Variants in CCDC191 observed in about 807,000 individuals in gnomAD.
CCDC191 encodes the protein coiled-coil domain containing 191, also known as coiled-coil domain-containing protein 191.
Under a neutral mutation model 114.0 loss-of-function variants are expected in CCDC191, and 99 were observed. The observed-to-expected ratio is 0.87, with a 90% CI of 0.74 to 1.03. The LOEUF (loss-of-function observed/expected upper bound fraction) is 1.03. Among genes scored for constraint, CCDC191 ranks in the 50% least tolerant of loss-of-function variants. The pLI is 0.00. For missense variants in CCDC191, 973 were observed against 1,087.0 expected, an observed-to-expected ratio of 0.90 and a Z score of 1.47; for synonymous variants, 351 against 376.0, an observed-to-expected ratio of 0.93 and a Z score of 0.77.
At position 114,005,763 on chromosome 3, in the gene CCDC191, C is replaced by T. The variant is rs1364210351; in HGVS notation, c.1613G>A (p.Arg538Lys). The part of the protein sequence containing the change: ...SQQPGSNETL[R>K]TTSQKAEPLC... The stretch of plus-strand genomic sequence containing the variant: ...CGGTTCTGCTTTCTGGCTGGTAGTT[C>T]TGAGTGTCTCGTTGCTGCCAGGCTG... Residue 538 changes from arginine (R) to lysine (K), a missense_variant, in exon 10 of 17, where the codon AGA (arginine) becomes AAA (lysine). Arg to Lys is a conservative substitution (Grantham distance 26). Transcript: ENST00000295878. 1 of 1,614,130 alleles carries T rather than the reference C, an allele frequency of 6.2e-7. No individual in the cohort carries two copies.
chr3:114,033,042 G>A (rs1212217585), intron 6 of CCDC191, among the ~76,000 whole-genome samples: 1 of 150,976 alleles, frequency 6.6e-6, no homozygotes, highest in African/African-American at 2.4e-5. Context: ...AGAAATATAT[G>A]CTCATTGTGA....
chr3:113,991,637 T>C (rs535163205), intron 13 of CCDC191, among the ~76,000 whole-genome samples: 5 of 152,346 alleles, frequency 3.3e-5, no homozygotes, highest in African/African-American at 1.2e-4. Context: ...TCATCATGCC[T>C]ATTCCATCTC....
chr3:113,968,627 T>G (rs938768143), intron 16 of CCDC191, among the ~76,000 whole-genome samples: 13 of 111,742 alleles, frequency 1.2e-4, no homozygotes, highest in Non-Finnish European at 2.1e-4. Flanking sequence ...TAGTTTTTTG[T>G]TTTTTTTTTT....
chr3:113,979,219 C>T (rs1245892448), intron 14 of CCDC191, among the ~76,000 whole-genome samples: 1 of 152,150 alleles, frequency 6.6e-6, no homozygotes, highest in Non-Finnish European at 1.5e-5. Context: ...CCTTTCAATG[C>T]CAGCTCCCTG....
chr3:114,004,628 C>T lies in CCDC191; in HGVS notation c.1978+9G>A, dbSNP rs758482747. On this transcript the variant is annotated intron_variant, in intron 11 of 16. Transcript: ENST00000295878. ...ACAACCACCAAGGCCACCACCGAGA[C>T]AGCCCTGCCTTTTAGTATGGGATGC... 6.2e-7 allele frequency: 1 copy of T among 1,611,248 alleles called. No homozygotes were observed. The highest frequency in any genetic ancestry group is 8.5e-7 in the Non-Finnish European group (1 of 1,178,386).
chr3:114,015,129 C>T (rs1366112935), intron 8 of CCDC191, among the ~76,000 whole-genome samples: 1 of 152,004 alleles, frequency 6.6e-6, no homozygotes, highest in East Asian at 1.9e-4. Context: ...ACTTTGGGCA[C>T]TGTTTCCAGA....
At chr3:114,056,589 C>G (rs1157893139), upstream of CCDC191, 14 of 1,589,578 alleles carry the variant, frequency 8.8e-6, no homozygotes, top group Non-Finnish European at 1.0e-5. Flanking sequence ...CATAGGACAC[C>G]GTCGAACCAC....
intron 5 of CCDC191, 37 bp downstream of exon 5, chr3:114,036,569 CTT>C: frequency 6.9e-7 from 1 of 1,448,418 alleles, no homozygotes; most frequent in Non-Finnish European, 9.4e-7. Flanking sequence ...ACAAAGACTG[CTT>C]CCTGTTATCC....
chr3:114,040,733 T>C (rs2076548761), intron 4 of CCDC191, among the ~76,000 whole-genome samples: 1 of 152,150 alleles, frequency 6.6e-6, no homozygotes, highest in Non-Finnish European at 1.5e-5. Context: ...ATTCTGCCAA[T>C]CTCTGCATTT....
chr3:113,978,478 A>G, intron 15 of CCDC191, 147 bp from the exon 16 acceptor site: 1 of 778,982 alleles, frequency 1.3e-6, no homozygotes, highest in East Asian at 2.7e-5. Flanking sequence ...CTGGAAGCCA[A>G]GAAAATATCC....
intron 16 of CCDC191, among the ~76,000 whole-genome samples, chr3:113,974,460 C>T (rs1941125605): frequency 6.6e-6 from 1 of 152,016 alleles, no homozygotes; most frequent in Admixed American, 6.6e-5. Flanking sequence ...GGTGGGACTA[C>T]AGATGCACAC....
chr3:114,056,576 A>C, upstream of CCDC191: 1 of 1,599,996 alleles, frequency 6.3e-7, no homozygotes, highest in Non-Finnish European at 8.5e-7. Flanking sequence ...CAAGGAAAGC[A>C]GGCATAGGAC....
intron 8 of CCDC191, among the ~76,000 whole-genome samples, chr3:114,017,861 T>G (rs6802858): frequency 0.56 from 85,568 of 151,974 alleles, 24,264 homozygotes; most frequent in African/African-American, 0.62. Context: ...TTTTTTAGAA[T>G]AAATAAAGAA....
chr3:114,048,250 CACA>C (rs756055800), intron 2 of CCDC191, among the ~76,000 whole-genome samples: 17 of 152,136 alleles, frequency 1.1e-4, no homozygotes, highest in Non-Finnish European at 1.8e-4. Flanking sequence ...TGGTCCAAAG[CACA>C]ACAATTTCCT....
chr3:113,965,054 G>C lies in CCDC191; in HGVS notation c.*101C>G. On this transcript the variant is annotated 3_prime_UTR_variant, in exon 17 of 17. Coordinates refer to ENST00000295878, the MANE Select transcript of CCDC191 (RefSeq NM_020817.2). ...CCTTTGATCTAAGAAGTAGCTCGTA[G>C]AGAATAAACCAGGTGTATGTATGTA... The C allele has an allele frequency of 1.7e-6, 1 of 605,472 alleles. No individual in the cohort carries two copies. The highest frequency in any genetic ancestry group is 2.7e-6 in the Non-Finnish European group (1 of 364,984). The allele number at this position is 605,472 out of a possible 1,614,324, so 37.5% of individuals were successfully genotyped here.
chr3:114,003,418 GA>G, intron 11 of CCDC191: 2 of 985,344 alleles, frequency 2.0e-6, no homozygotes, highest in Non-Finnish European at 2.4e-6. Context: ...CTGCTTTGCT[GA>G]AAAAGAATGG....
chr3:114,053,561 A>G (rs141479730), intron 2 of CCDC191, 36 bp downstream of exon 2: 2 of 1,339,854 alleles, frequency 1.5e-6, no homozygotes, highest in East Asian at 4.7e-5. Context: ...CTTGACTCTT[A>G]ATACTCTTTT....
At chr3:114,002,623 T>C in intron 11 of CCDC191, 85 bp from the exon 12 acceptor site, 1 of 1,315,174 alleles carries the variant, frequency 7.6e-7, no homozygotes, top group East Asian at 2.6e-5. Flanking sequence ...CATTTCATAG[T>C]AAAATTTAGT....
intron 13 of CCDC191, among the ~76,000 whole-genome samples, chr3:113,981,915 GAGAGAAAATTTA>G (rs1186222063): frequency 1.3e-5 from 2 of 152,180 alleles, no homozygotes; most frequent in Non-Finnish European, 2.9e-5. Flanking sequence ...GAAATGGCCA[GAGAGAAAATTTA>G]CAACAATTTT....
Sources: gnomAD v4.1 joint callset for allele counts (sites outside exome capture counted in the v4.1 genomes callset) on GRCh38, gnomAD v4.1.1 for gene constraint, MANE v1.5 for transcripts, NCBI Gene and HGNC (gene_info 2026-07-23, HGNC 2026-07-21) for gene names.